MEI4: variants seen among roughly 807,000 people sequenced by gnomAD.
The protein encoded by MEI4 is meiotic double-stranded break formation protein 4.
MEI4 carries 27 observed loss-of-function variants against 31.4 expected under a neutral mutation model. The ratio of observed to expected loss-of-function variants is 0.86; its 90% CI spans 0.63 to 1.19. The LOEUF (loss-of-function observed/expected upper bound fraction) is 1.19. MEI4 is among the 50% of genes most tolerant of loss of function. The pLI, the probability that MEI4 is intolerant of heterozygous loss-of-function variation, is 0.00. For synonymous variants in MEI4, 122 were observed against 145.4 expected (o/e 0.84, Z 1.16); for missense variants, 329 against 398.9 (o/e 0.82, Z 1.49).
intron 3 of MEI4, among the ~76,000 whole-genome samples, chr6:77,787,970 G>A (rs1441633941): frequency 1.3e-5 from 2 of 152,124 alleles, no homozygotes; most frequent in African/African-American, 4.8e-5. Context: ...TTGTCATTTT[G>A]TTGTGTCTCT....
At chr6:77,734,022 C>G (rs11759593) in intron 2 of MEI4, among the ~76,000 whole-genome samples, 2 of 151,678 alleles carry the variant, frequency 1.3e-5, no homozygotes, top group African/African-American at 4.9e-5. Flanking sequence ...TTCTTTTACA[C>G]TTGCTGAGGA....
At chr6:77,800,824 G>A (rs998184910) in intron 3 of MEI4, among the ~76,000 whole-genome samples, 1 of 152,144 alleles carries the variant, frequency 6.6e-6, no homozygotes, top group East Asian at 1.9e-4. Flanking sequence ...AACCAGCCTT[G>A]TATCCCAGGG....
intron 4 of MEI4, among the ~76,000 whole-genome samples, chr6:77,842,111 C>T (rs1770380156): frequency 6.6e-6 from 1 of 152,128 alleles, no homozygotes; most frequent in Non-Finnish European, 1.5e-5. Context: ...GAACACTTCA[C>T]CCAATAACAG....
At chr6:77,757,751 A>T (rs936574364) in intron 2 of MEI4, among the ~76,000 whole-genome samples, 1 of 152,236 alleles carries the variant, frequency 6.6e-6, no homozygotes, top group Non-Finnish European at 1.5e-5. Context: ...ATAATTTTCT[A>T]GATTAGTGTA....
intron 4 of MEI4, among the ~76,000 whole-genome samples, chr6:77,882,002 C>T (rs1352127100): frequency 6.6e-6 from 1 of 152,200 alleles, no homozygotes; most frequent in African/African-American, 2.4e-5. Context: ...ATTGCGCTCA[C>T]TTCAGATGCC....
intron 3 of MEI4, among the ~76,000 whole-genome samples, chr6:77,788,932 G>A: frequency 6.6e-6 from 1 of 152,124 alleles, no homozygotes; most frequent in Non-Finnish European, 1.5e-5. Context: ...CCAAAAAAGA[G>A]CCCCTATTGC....
intron 1 of MEI4, among the ~76,000 whole-genome samples, chr6:77,674,358 C>A (rs1768801895): frequency 6.6e-6 from 1 of 152,070 alleles, no homozygotes; most frequent in African/African-American, 2.4e-5. Flanking sequence ...CAGTGGTCTG[C>A]ATATACTATG....
intron 4 of MEI4, among the ~76,000 whole-genome samples, chr6:77,880,258 T>C (rs1394880714): frequency 6.7e-6 from 1 of 148,322 alleles, no homozygotes; most frequent in Non-Finnish European, 1.5e-5. Context: ...TGAGACAGAG[T>C]CTCACTGTGT....
intron 1 of MEI4, among the ~76,000 whole-genome samples, chr6:77,673,250 A>T (rs202134281): frequency 6.6e-6 from 1 of 152,206 alleles, no homozygotes; most frequent in Admixed American, 6.5e-5. Flanking sequence ...GTATGGCTGT[A>T]ATAGTAGTAG....
intron 2 of MEI4, among the ~76,000 whole-genome samples, chr6:77,744,537 A>G (rs1405530993): frequency 6.6e-6 from 1 of 152,182 alleles, no homozygotes; most frequent in African/African-American, 2.4e-5. Flanking sequence ...CAAGTTGGAA[A>G]ACACTTTTCA....
intron 3 of MEI4, among the ~76,000 whole-genome samples, chr6:77,777,814 A>G (rs1251433981): frequency 6.6e-6 from 1 of 152,176 alleles, no homozygotes; most frequent in African/African-American, 2.4e-5. Flanking sequence ...ATATTCTCAG[A>G]AAGGTAAAAG....
chr6:77,918,179 T>A (rs1490873081), intron 4 of MEI4, among the ~76,000 whole-genome samples: 1 of 151,860 alleles, frequency 6.6e-6, no homozygotes, highest in Non-Finnish European at 1.5e-5. Flanking sequence ...AGCCTTGTAG[T>A]ATAGTTTGAA....
intron 4 of MEI4, among the ~76,000 whole-genome samples, chr6:77,858,538 T>C (rs1282153045): frequency 6.6e-6 from 1 of 152,144 alleles, no homozygotes. Context: ...ATGATCCTGC[T>C]ATATCAGATT....
chr6:77,680,013 G>T lies in MEI4; in HGVS notation c.-14-10645G>T, dbSNP rs184971949. 5.9e-3 allele frequency among the ~76,000 whole-genome samples: 891 copies of T among 151,052 alleles called. 6 individuals are homozygous for T. The highest frequency in any genetic ancestry group is 0.02 in the African/African-American group (806 of 40,998). ...CTTGGCCTCCCAAAGTGCTGGGATT[G>T]CAGGCGTGAGCGACCGTGTCCAGCC... is the stretch of plus-strand genomic sequence containing the variant. On this transcript the variant is annotated intron_variant, in intron 1 of 4. Coordinates refer to ENST00000684080, the MANE Select transcript of MEI4 (RefSeq NM_001322247.2).
intron 4 of MEI4, among the ~76,000 whole-genome samples, chr6:77,904,659 G>A (rs137974487): frequency 6.6e-6 from 1 of 152,196 alleles, no homozygotes; most frequent in Non-Finnish European, 1.5e-5. Flanking sequence ...TTTTATGACT[G>A]CAGAATATTC....
intron 1 of MEI4, among the ~76,000 whole-genome samples, chr6:77,688,369 G>A (rs865879334): frequency 4.6e-5 from 7 of 152,140 alleles, no homozygotes; most frequent in Middle Eastern, 3.4e-3. Context: ...CTCTTTATTA[G>A]CAATTATTTC....
chr6:77,743,143 T>C (rs187586456), intron 2 of MEI4, among the ~76,000 whole-genome samples: 55 of 152,310 alleles, frequency 3.6e-4, no homozygotes, highest in Non-Finnish European at 2.6e-4. Context: ...AGTAGTTTTT[T>C]CCAACTCTGT....
At chr6:77,911,035 T>C (rs979739750) in intron 4 of MEI4, among the ~76,000 whole-genome samples, 1 of 151,984 alleles carries the variant, frequency 6.6e-6, no homozygotes, top group East Asian at 1.9e-4. Flanking sequence ...GAGCATTTTT[T>C]TGTATAACTG....
At chr6:77,662,119 A>G (rs190247814) in intron 1 of MEI4, among the ~76,000 whole-genome samples, 1 of 152,192 alleles carries the variant, frequency 6.6e-6, no homozygotes, top group African/African-American at 2.4e-5. Context: ...ATTTAGAATC[A>G]GTATAGATAT....
Sources: gnomAD v4.1 joint callset for allele counts (sites outside exome capture counted in the v4.1 genomes callset) on GRCh38, gnomAD v4.1.1 for gene constraint, MANE v1.5 for transcripts, NCBI Gene and HGNC (gene_info 2026-07-23, HGNC 2026-07-21) for gene names.